ASIC2: variants seen among roughly 807,000 people sequenced by gnomAD.
ASIC2 encodes the protein acid sensing ion channel subunit 2.
ASIC2 carries 25 observed loss-of-function variants against 57.3 expected under a neutral mutation model. That is an observed-to-expected ratio of 0.44 (90% CI 0.32 to 0.61). ASIC2 has a LOEUF of 0.61. ASIC2 is among the 20% of genes least tolerant of loss of function. The pLI, the probability that ASIC2 is intolerant of heterozygous loss-of-function variation, is 0.06. For synonymous variants in ASIC2, 319 were observed against 307.5 expected (o/e 1.04, Z -0.39); for missense variants, 641 against 738.1 (o/e 0.87, Z 1.52).
At chr17:34,046,528 C>A (rs924826053) in intron 1 of ASIC2, among the ~76,000 whole-genome samples, 5 of 152,280 alleles carry the variant, frequency 3.3e-5, no homozygotes, top group Non-Finnish European at 4.4e-5. Context: ...GACCTTCTGC[C>A]AAGGACTGGA....
intron 1 of ASIC2, among the ~76,000 whole-genome samples, chr17:33,978,028 C>A (rs1227538051): frequency 6.6e-6 from 1 of 152,312 alleles, no homozygotes; most frequent in East Asian, 1.9e-4. Context: ...GCTGTGGAGT[C>A]CTGGTGCCAG....
intron 1 of ASIC2, among the ~76,000 whole-genome samples, chr17:33,442,201 T>A (rs1279035844): frequency 6.6e-6 from 1 of 152,236 alleles, no homozygotes; most frequent in Non-Finnish European, 1.5e-5. Context: ...GTTTTGAAAT[T>A]GCATAGTTTA....
At chr17:34,123,742 C>T (rs1167285880) in intron 1 of ASIC2, among the ~76,000 whole-genome samples, 1 of 152,192 alleles carries the variant, frequency 6.6e-6, no homozygotes, top group African/African-American at 2.4e-5. Context: ...GCAACCTTTA[C>T]TGAAGGCTTG....
At chr17:33,358,085 C>A (rs1229336325) in intron 1 of ASIC2, among the ~76,000 whole-genome samples, 1 of 152,162 alleles carries the variant, frequency 6.6e-6, no homozygotes, top group Non-Finnish European at 1.5e-5. Flanking sequence ...TAGCCCACAG[C>A]CAAATGTGGC....
chr17:33,976,032 ACTT>A (rs930473067), intron 1 of ASIC2, among the ~76,000 whole-genome samples: 2 of 151,328 alleles, frequency 1.3e-5, no homozygotes, highest in Non-Finnish European at 2.9e-5. Context: ...CCCTTTTTAA[ACTT>A]CTCTGCCCTC....
intron 1 of ASIC2, among the ~76,000 whole-genome samples, chr17:33,561,666 G>A (rs1567650755): frequency 6.6e-6 from 1 of 152,162 alleles, no homozygotes; most frequent in African/African-American, 2.4e-5. Context: ...TAGGGGGCGT[G>A]AGCTAGAACA....
At chr17:33,408,902 G>C (rs1368494282) in intron 1 of ASIC2, among the ~76,000 whole-genome samples, 1 of 152,206 alleles carries the variant, frequency 6.6e-6, no homozygotes, top group Non-Finnish European at 1.5e-5. Context: ...CCAGGGAAGA[G>C]GGTGTGTACA....
At chr17:33,438,781 A>G (rs961313046) in intron 1 of ASIC2, among the ~76,000 whole-genome samples, 20 of 151,676 alleles carry the variant, frequency 1.3e-4, no homozygotes, top group Admixed American at 7.2e-4. Context: ...ACCTGGCCCA[A>G]CCAATCAGAA....
chr17:33,638,120 ATGT>A (rs1358870081), intron 1 of ASIC2, among the ~76,000 whole-genome samples: 1 of 152,148 alleles, frequency 6.6e-6, no homozygotes, highest in African/African-American at 2.4e-5. Context: ...TATAATAATG[ATGT>A]TATCTACAGG....
At chr17:33,310,285 A>G (rs1324999080) in intron 1 of ASIC2, among the ~76,000 whole-genome samples, 1 of 151,866 alleles carries the variant, frequency 6.6e-6, no homozygotes, top group Non-Finnish European at 1.5e-5. Flanking sequence ...TCATGCCCCA[A>G]CTCTGCCACT....
At chr17:33,342,609 CATT>C (rs1907768048) in intron 1 of ASIC2, among the ~76,000 whole-genome samples, 1 of 152,182 alleles carries the variant, frequency 6.6e-6, no homozygotes, top group Non-Finnish European at 1.5e-5. Context: ...ACTAAGTCCA[CATT>C]ATGACACGAC....
chr17:34,052,842 C>A (rs1340418502), intron 1 of ASIC2, among the ~76,000 whole-genome samples: 2 of 152,036 alleles, frequency 1.3e-5, no homozygotes, highest in Non-Finnish European at 2.9e-5. Context: ...TGGTCTCAAA[C>A]TCCTGACCTC....
At position 33,516,264 on chromosome 17, in the gene ASIC2, C is replaced by A. The variant is rs114276359; in HGVS notation, c.556-404197G>T. Reference sequence around the variant, plus strand: ...TCCCACATTGCCTTCCTTCTTCACACACAACCAGAACGTGCAGTTTGCATC... The same window carrying A: ...TCCCACATTGCCTTCCTTCTTCACAAACAACCAGAACGTGCAGTTTGCATC... On this transcript the variant is annotated intron_variant, in intron 1 of 9. Coordinates refer to the ASIC2 transcript ENST00000359872. Among the ~76,000 whole-genome samples, 1,270 of 152,312 alleles carry A rather than the reference C, an allele frequency of 8.3e-3. 20 individuals carry two copies. The highest frequency in any genetic ancestry group is 0.029 in the African/African-American group (1,207 of 41,552).
chr17:33,384,607 G>C (rs1018645396), intron 1 of ASIC2, among the ~76,000 whole-genome samples: 1 of 152,106 alleles, frequency 6.6e-6, no homozygotes, highest in African/African-American at 2.4e-5. Flanking sequence ...TGGAAAAGTG[G>C]GTATTATTAG....
chr17:33,834,311 T>C (rs1038694358), intron 1 of ASIC2: 2 of 152,244 alleles, frequency 1.3e-5, no homozygotes, highest in African/African-American at 4.8e-5. Context: ...AAGAGTGCAC[T>C]GTACCCATGA....
At chr17:34,058,382 C>G (rs933904784) in intron 1 of ASIC2, among the ~76,000 whole-genome samples, 2 of 152,184 alleles carry the variant, frequency 1.3e-5, no homozygotes, top group African/African-American at 4.8e-5. Context: ...GATGAAGAAA[C>G]AGCCTGGAGG....
At chr17:33,087,545 A>G (rs1029965296) in intron 3 of ASIC2, among the ~76,000 whole-genome samples, 6 of 150,410 alleles carry the variant, frequency 4.0e-5, no homozygotes, top group Non-Finnish European at 8.8e-5. Flanking sequence ...GTAAAAAACA[A>G]TATAGCTCAC....
intron 1 of ASIC2, among the ~76,000 whole-genome samples, chr17:33,884,546 G>T (rs949747807): frequency 6.6e-6 from 1 of 152,046 alleles, no homozygotes; most frequent in Admixed American, 6.6e-5. Context: ...CCACATCCCA[G>T]CATTATGAAA....
intron 1 of ASIC2, among the ~76,000 whole-genome samples, chr17:33,961,160 A>G (rs1285029233): frequency 6.6e-6 from 1 of 152,208 alleles, no homozygotes; most frequent in African/African-American, 2.4e-5. Flanking sequence ...AAGAACCAAA[A>G]TAATTTGACC....
Sources: gnomAD v4.1 joint callset for allele counts (sites outside exome capture counted in the v4.1 genomes callset) on GRCh38, gnomAD v4.1.1 for gene constraint, MANE v1.5 for transcripts, NCBI Gene and HGNC (gene_info 2026-07-23, HGNC 2026-07-21) for gene names.